ZNF333: variants seen among roughly 807,000 people sequenced by gnomAD.
ZNF333 encodes the protein zinc finger protein 333.
In ZNF333, 61 loss-of-function variants were observed where a neutral mutation model predicts 76.1. The observed-to-expected ratio is 0.80, with a 90% CI of 0.65 to 0.99. The LOEUF (loss-of-function observed/expected upper bound fraction) is 0.99. Among genes scored for constraint, ZNF333 ranks in the 50% least tolerant of loss-of-function variants. The pLI is 0.00. For synonymous variants in ZNF333, 284 were observed against 305.0 expected, an observed-to-expected ratio of 0.93 and a Z score of 0.72; for missense variants, 717 against 822.4, an observed-to-expected ratio of 0.87 and a Z score of 1.57.
intron 8 of ZNF333, 90 bp downstream of exon 8, chr19:14,715,560 A>T: frequency 7.9e-7 from 1 of 1,269,698 alleles, no homozygotes. Flanking sequence ...ATCATCTCAT[A>T]GGGTTGGTCT....
At chr19:14,702,068 T>C (rs1445211749) in intron 5 of ZNF333, among the ~76,000 whole-genome samples, 1 of 152,188 alleles carries the variant, frequency 6.6e-6, no homozygotes, top group African/African-American at 2.4e-5. Context: ...TCACAATCAT[T>C]GAGACCCTGT....
intron 4 of ZNF333, among the ~76,000 whole-genome samples, chr19:14,696,189 A>C (rs1025026028): frequency 1.1e-4 from 16 of 152,316 alleles, no homozygotes; most frequent in Non-Finnish European, 2.1e-4. Flanking sequence ...AAAACAAAGC[A>C]AAAATTAGAG....
At chr19:14,715,097 G>A in intron 7 of ZNF333, 1 of 359,368 alleles carries the variant, frequency 2.8e-6, no homozygotes, top group South Asian at 2.6e-5. Flanking sequence ...TGGTCTGTGT[G>A]TATATGTTAT....
intron 10 of ZNF333, 121 bp from the exon 11 acceptor site, chr19:14,717,536 G>A (rs144640107): frequency 2.8e-5 from 22 of 778,238 alleles, no homozygotes; most frequent in African/African-American, 2.4e-4. Context: ...ATTTCTTCCC[G>A]TACATAGGAC....
intron 11 of ZNF333, among the ~76,000 whole-genome samples, chr19:14,730,036 A>G (rs1286729813): frequency 1.3e-5 from 2 of 151,790 alleles, no homozygotes; most frequent in African/African-American, 4.8e-5. Flanking sequence ...GAAGGAAAAT[A>G]GAGAGAAGAG....
rs547098270 is a variant in ZNF333, at chr19:14,700,888, G to A, written c.306+1607G>A. Among the ~76,000 whole-genome samples the A allele has an allele frequency of 2.6e-5, 4 of 152,246 alleles. No homozygotes were observed. In the South Asian group the frequency reaches 6.2e-4, roughly 24 times the overall value. On this transcript the variant is annotated intron_variant, in intron 5 of 11. Coordinates refer to ENST00000292530, the MANE Select transcript of ZNF333 (RefSeq NM_032433.4). ...ACAGTGGATGGGGTGCAGTGGCCTCGGTTTTAGAGACCCACATTCAACTTC... is the reference window on the plus strand; with the variant it reads ...ACAGTGGATGGGGTGCAGTGGCCTCAGTTTTAGAGACCCACATTCAACTTC...
intron 1 of ZNF333, among the ~76,000 whole-genome samples, chr19:14,690,886 A>G (rs1199591607): frequency 6.6e-6 from 1 of 152,158 alleles, no homozygotes; most frequent in Non-Finnish European, 1.5e-5. Context: ...TGAGGTCAGG[A>G]GTTTGAGACC....
chr19:14,716,021 T>C, intron 8 of ZNF333, 91 bp from the exon 9 acceptor site: 1 of 1,574,300 alleles, frequency 6.4e-7, no homozygotes, highest in South Asian at 1.2e-5. Context: ...CTGCCTGGGT[T>C]TTCCCTTCCC....
At chr19:14,710,109 G>T (rs1280070101) in intron 7 of ZNF333, among the ~76,000 whole-genome samples, 1 of 152,106 alleles carries the variant, frequency 6.6e-6, no homozygotes, top group Non-Finnish European at 1.5e-5. Context: ...AGAGAGTGGT[G>T]TGAGCTGACT....
At chr19:14,709,957 G>C (rs934499338) in intron 7 of ZNF333, among the ~76,000 whole-genome samples, 41 of 152,324 alleles carry the variant, frequency 2.7e-4, no homozygotes, top group Admixed American at 2.3e-3. Context: ...CATTTAGCTT[G>C]GTCAGCTGTT....
chr19:14,731,188 T>C, exon 12 of ZNF333: 1 of 1,534,652 alleles, frequency 6.5e-7, no homozygotes. Context: ...CCCAACTAAT[T>C]TGGAAGAATT....
chr19:14,723,897 T>C (rs546732510), downstream of ZNF333, among the ~76,000 whole-genome samples: 4 of 152,316 alleles, frequency 2.6e-5, no homozygotes, highest in African/African-American at 9.6e-5. Flanking sequence ...ATAGCCTTTG[T>C]TATTATGGGT....
At chr19:14,695,167 G>C (rs1448380522) in intron 3 of ZNF333, 34 bp downstream of exon 3, 3 of 1,603,568 alleles carry the variant, frequency 1.9e-6, no homozygotes, top group East Asian at 2.2e-5. Context: ...CTTCCTGTAC[G>C]CAGGCACTAA....
intron 5 of ZNF333, among the ~76,000 whole-genome samples, chr19:14,700,809 C>T (rs1267398723): frequency 6.6e-6 from 1 of 152,158 alleles, no homozygotes; most frequent in Non-Finnish European, 1.5e-5. Context: ...AGTCAGTGCC[C>T]CTTCCCCTGT....
At chr19:14,706,081 C>T (rs2042102421) in intron 6 of ZNF333, 1 of 457,266 alleles carries the variant, frequency 2.2e-6, no homozygotes, top group East Asian at 6.9e-5. Context: ...AAAATGTAAC[C>T]CACCTCCAGC....
intron 7 of ZNF333, among the ~76,000 whole-genome samples, chr19:14,710,482 AT>A (rs1420268394): frequency 6.6e-6 from 1 of 152,230 alleles, no homozygotes; most frequent in Non-Finnish European, 1.5e-5. Flanking sequence ...ATGAAGCAGA[AT>A]CAGCAAAGGG....
intron 1 of ZNF333, among the ~76,000 whole-genome samples, chr19:14,693,013 G>A (rs569297810): frequency 5.2e-4 from 79 of 152,130 alleles, no homozygotes; most frequent in African/African-American, 1.8e-3. Flanking sequence ...TTTTAGTAGA[G>A]ATGGGGTTTC....
Position 14,716,092 on chromosome 19 carries a change from G to T in ZNF333, c.601-20G>T. On this transcript the variant is annotated intron_variant, in intron 8 of 11. Coordinates refer to ENST00000292530, the MANE Select transcript of ZNF333 (RefSeq NM_032433.4). Reference sequence around the variant, plus strand: ...GGTGGGGGTGGTCCCTGGCTGAGCCGGGATGGATGTGTGTTTTAGGAACCA... The same window carrying T: ...GGTGGGGGTGGTCCCTGGCTGAGCCTGGATGGATGTGTGTTTTAGGAACCA... The T allele has an allele frequency of 6.2e-7, 1 of 1,613,564 alleles. No individual in the cohort carries two copies. Among genetic ancestry groups the T allele is most frequent in the South Asian group, 1.1e-5 (1 of 91,032 alleles).
At chr19:14,700,395 G>A (rs1973592200) in intron 5 of ZNF333, 1 of 152,164 alleles carries the variant, frequency 6.6e-6, no homozygotes, top group Non-Finnish European at 1.5e-5. Flanking sequence ...GGCAGGAAAT[G>A]TTTCTGGAGG....
Sources: gnomAD v4.1 joint callset for allele counts (sites outside exome capture counted in the v4.1 genomes callset) on GRCh38, gnomAD v4.1.1 for gene constraint, MANE v1.5 for transcripts, NCBI Gene and HGNC (gene_info 2026-07-23, HGNC 2026-07-21) for gene names.